The following FOCAD variants were observed in gnomAD, a reference collection of about 807,000 sequenced individuals.
FOCAD encodes the protein focadhesin.
A neutral mutation model predicts 225.6 loss-of-function variants in FOCAD; 198 were observed. The observed-to-expected ratio is 0.88, with a 90% CI of 0.78 to 0.99. FOCAD has a LOEUF of 0.99. FOCAD is among the 50% of genes least tolerant of loss of function. FOCAD has a pLI of 0.00. For synonymous variants in FOCAD, 897 were observed against 755.0 expected, an observed-to-expected ratio of 1.19 and a Z score of -3.08; for missense variants, 2,713 against 2,123.6, an observed-to-expected ratio of 1.28 and a Z score of -5.46.
chr9:20,953,023 A>C lies in FOCAD; in HGVS notation c.4090A>C (p.Ile1364Leu), dbSNP rs932687503. 1.9e-6 allele frequency: 3 copies of C among 1,613,622 alleles called. No homozygotes were observed. The highest frequency in any genetic ancestry group is 2.5e-6 in the Non-Finnish European group (3 of 1,179,774). ...TAGCTACTTGCCTGAAAGCAGTTTT[A>C]TTGGAGCAGCTATTGGCTTCTTCAT... ...DYSYLPESSF[I>L]GAAIGFFITG... Residue 1364 changes from isoleucine to leucine, a missense_variant, in exon 35 of 44, where the codon ATT (isoleucine) becomes CTT (leucine). Transcript: ENST00000338382.
rs141762383 is a variant in FOCAD, at chr9:20,976,472, A to T, written c.4185A>T (p.Ala1395=). ...SLLKVVMKPI[A]TVGESYQYPP... is the part of the protein sequence containing the mutation. ...TTAAAGTAGTGATGAAACCCATAGC[A>T]ACTGTTGGAGAAAGCTACCAATATC... Residue 1395 remains alanine, a synonymous_variant, in exon 36 of 44, where the codon GCA becomes GCT. Transcript: ENST00000338382. 5 of 1,613,186 alleles carry T rather than the reference A, an allele frequency of 3.1e-6. No homozygotes were observed. Among genetic ancestry groups the T allele is most frequent in the Non-Finnish European group, 4.2e-6 (5 of 1,179,376 alleles).
At chr9:20,718,330 C>A (rs899137315) in intron 3 of FOCAD, among the ~76,000 whole-genome samples, 1 of 152,214 alleles carries the variant, frequency 6.6e-6, no homozygotes, top group Non-Finnish European at 1.5e-5. Flanking sequence ...AAAATTCCAT[C>A]TTACACAAAT....
At chr9:20,675,210 G>A (rs749435467) in intron 2 of FOCAD, among the ~76,000 whole-genome samples, 24 of 152,194 alleles carry the variant, frequency 1.6e-4, no homozygotes, top group Non-Finnish European at 1.5e-5. Context: ...GCCATGGTTG[G>A]CTTAGGTTAG....
At chr9:20,733,406 G>A (rs146546449) in intron 4 of FOCAD, among the ~76,000 whole-genome samples, 2,560 of 152,030 alleles carry the variant, frequency 0.017, 82 homozygotes, top group African/African-American at 0.059. Context: ...TGCACAATGT[G>A]CAGGTTAGTT....
intron 6 of FOCAD, among the ~76,000 whole-genome samples, chr9:20,764,277 T>C (rs1829865748): frequency 6.6e-6 from 1 of 152,146 alleles, no homozygotes; most frequent in African/African-American, 2.4e-5. Context: ...TTTTTTAAGA[T>C]GGAGTCTCGC....
chr9:20,717,450 A>T (rs1397495506), intron 2 of FOCAD, among the ~76,000 whole-genome samples: 1 of 152,196 alleles, frequency 6.6e-6, no homozygotes, highest in African/African-American at 2.4e-5. Flanking sequence ...GATTTTAAAA[A>T]CTATGGGCTT....
chr9:20,840,625 G>A (rs1826427859), intron 15 of FOCAD, among the ~76,000 whole-genome samples: 1 of 148,268 alleles, frequency 6.7e-6, no homozygotes, highest in Non-Finnish European at 1.5e-5. Context: ...TAACTTTCCT[G>A]AATTTGAAGT....
intron 40 of FOCAD, 65 bp from the exon 41 acceptor site, chr9:20,988,267 A>C: frequency 1.0e-6 from 1 of 967,148 alleles, no homozygotes; most frequent in Non-Finnish European, 1.6e-6. Context: ...GATGGTTGTT[A>C]CTGATCTGTT....
intron 3 of FOCAD, among the ~76,000 whole-genome samples, chr9:20,718,471 C>G (rs1243242048): frequency 6.6e-6 from 1 of 152,128 alleles, no homozygotes; most frequent in Non-Finnish European, 1.5e-5. Context: ...TCTCAGGTGT[C>G]CTCTATAGGG....
At chr9:20,745,261 C>G (rs1277139961) in intron 5 of FOCAD, among the ~76,000 whole-genome samples, 1 of 152,056 alleles carries the variant, frequency 6.6e-6, no homozygotes, top group African/African-American at 2.4e-5. Context: ...AGGTGCGACA[C>G]TACGCCCTGC....
intron 17 of FOCAD, 71 bp downstream of exon 17, chr9:20,866,047 AC>A: frequency 7.8e-7 from 1 of 1,289,850 alleles, no homozygotes. Flanking sequence ...GTAAAATAAG[AC>A]TCTTAGGATA....
chr9:20,955,378 A>G (rs1172818372), intron 35 of FOCAD, among the ~76,000 whole-genome samples: 2 of 152,136 alleles, frequency 1.3e-5, no homozygotes, highest in Non-Finnish European at 2.9e-5. Flanking sequence ...TAGGATACTG[A>G]CTTTAGTACT....
chr9:20,699,702 C>T (rs1346820193), intron 1 of FOCAD, among the ~76,000 whole-genome samples: 1 of 125,928 alleles, frequency 7.9e-6, no homozygotes, highest in Non-Finnish European at 1.6e-5. Flanking sequence ...CGTGCCACTG[C>T]TCTCCACCCT....
chr9:20,658,940 T>C lies in FOCAD; in HGVS notation c.-78+114T>C, dbSNP rs74493045. 6.1e-3 allele frequency: 925 copies of C among 152,520 alleles called. 26 individuals are homozygous for C. In the East Asian group the frequency reaches 0.1, roughly 17 times the overall value. The allele number at this position is 152,520 out of a possible 1,614,324, so 9.4% of individuals were successfully genotyped here. On this transcript the variant is annotated intron_variant, in intron 2 of 45. Coordinates refer to the FOCAD transcript ENST00000380249. ...GGAAATAGGGCCTTTAAAGAGGTGA[T>C]TAAGTGACAGGGTGTGGTGGCTCAC...
At chr9:20,859,425 TC>T (rs369442304) in intron 15 of FOCAD, among the ~76,000 whole-genome samples, 3 of 151,250 alleles carry the variant, frequency 2.0e-5, no homozygotes, top group African/African-American at 7.2e-5. Context: ...TCTCAATTGT[TC>T]CTTTGCAGGT....
At chr9:20,718,727 G>A (rs117099920) in intron 3 of FOCAD, among the ~76,000 whole-genome samples, 1 of 152,276 alleles carries the variant, frequency 6.6e-6, no homozygotes, top group East Asian at 1.9e-4. Flanking sequence ...TGTGTACTTT[G>A]AGAAGATCTA....
At chr9:20,822,457 A>G (rs2131429859) in intron 14 of FOCAD, among the ~76,000 whole-genome samples, 1 of 152,144 alleles carries the variant, frequency 6.6e-6, no homozygotes, top group South Asian at 2.1e-4. Context: ...AGGATGAGTG[A>G]ATGAATTTAG....
At chr9:20,726,906 A>G (rs1826242635) in intron 4 of FOCAD, among the ~76,000 whole-genome samples, 2 of 152,098 alleles carry the variant, frequency 1.3e-5, no homozygotes, top group African/African-American at 4.8e-5. Flanking sequence ...ATTTGGCAGG[A>G]GAAGAAGAAC....
intron 28 of FOCAD, among the ~76,000 whole-genome samples, chr9:20,936,376 T>C (rs1835970404): frequency 6.6e-6 from 1 of 152,238 alleles, no homozygotes; most frequent in Non-Finnish European, 1.5e-5. Context: ...GGTAGCTGCA[T>C]GTGTAAAGGG....
Sources: allele counts gnomAD v4.1 joint callset (sites outside exome capture counted in the v4.1 genomes callset), GRCh38; gene constraint gnomAD v4.1.1; transcripts MANE v1.5; gene names NCBI Gene and HGNC (gene_info 2026-07-23, HGNC 2026-07-21).